NKAIN3: variants seen among roughly 807,000 people sequenced by gnomAD.
The protein encoded by NKAIN3 is sodium/potassium transporting ATPase interacting 3.
NKAIN3 carries 25 observed loss-of-function variants against 30.2 expected under a neutral mutation model. The ratio of observed to expected loss-of-function variants is 0.83; its 90% CI spans 0.60 to 1.16. The LOEUF is 1.16. Ranked by LOEUF, NKAIN3 falls within the 50% of genes most tolerant of loss-of-function variation. NKAIN3 has a pLI of 0.00. For synonymous variants in NKAIN3, 91 were observed against 89.6 expected (o/e 1.02, Z -0.09); for missense variants, 225 against 254.1 (o/e 0.89, Z 0.78).
chr8:62,553,464 T>A (rs892859388), intron 1 of NKAIN3, among the ~76,000 whole-genome samples: 4 of 152,128 alleles, frequency 2.6e-5, no homozygotes, highest in African/African-American at 9.7e-5. Context: ...AAACCTTGCA[T>A]CTTACAGTAC....
intron 4 of NKAIN3, among the ~76,000 whole-genome samples, chr8:62,889,640 G>C (rs929798686): frequency 6.6e-6 from 1 of 152,042 alleles, no homozygotes; most frequent in Admixed American, 6.6e-5. Context: ...TATTTTTTCT[G>C]GTTCTTGTAA....
chr8:62,575,161 G>A (rs1168106342), intron 1 of NKAIN3, among the ~76,000 whole-genome samples: 2 of 152,008 alleles, frequency 1.3e-5, no homozygotes, highest in African/African-American at 4.8e-5. Context: ...CATCAAATTG[G>A]GAAGGAAGAA....
chr8:62,717,092 G>C (rs1012722691), intron 3 of NKAIN3, among the ~76,000 whole-genome samples: 4 of 152,266 alleles, frequency 2.6e-5, no homozygotes, highest in Middle Eastern at 3.4e-3. Context: ...TTTCGATCAA[G>C]AAGTAGCATG....
chr8:62,279,512 A>C (rs561726015), intron 1 of NKAIN3, among the ~76,000 whole-genome samples: 1 of 152,322 alleles, frequency 6.6e-6, no homozygotes, highest in East Asian at 1.9e-4. Context: ...TTTGGGTCTA[A>C]CATTTAAGTC....
chr8:62,836,343 A>T (rs537654621), intron 4 of NKAIN3, among the ~76,000 whole-genome samples: 9 of 152,002 alleles, frequency 5.9e-5, no homozygotes, highest in South Asian at 2.1e-4. Context: ...AATTATTTTT[A>T]AAAAAATTTC....
chr8:62,938,548 T>G (rs1054639690), intron 5 of NKAIN3, among the ~76,000 whole-genome samples: 3 of 152,154 alleles, frequency 2.0e-5, no homozygotes, highest in African/African-American at 7.2e-5. Context: ...CATGGCTAAG[T>G]GACCTGAAGA....
chr8:62,500,412 A>G (rs1201355876), intron 1 of NKAIN3, among the ~76,000 whole-genome samples: 1 of 149,122 alleles, frequency 6.7e-6, no homozygotes, highest in Non-Finnish European at 1.5e-5. Context: ...GAAAGAAATA[A>G]GAAGGAAGAA....
At chr8:62,785,383 A>G (rs1342277288) in intron 4 of NKAIN3, among the ~76,000 whole-genome samples, 1 of 152,158 alleles carries the variant, frequency 6.6e-6, no homozygotes, top group East Asian at 1.9e-4. Flanking sequence ...ATCTATAGAG[A>G]CAGAAAGTAG....
chr8:62,623,958 A>G (rs1056774214), intron 3 of NKAIN3, among the ~76,000 whole-genome samples: 2 of 152,098 alleles, frequency 1.3e-5, no homozygotes, highest in African/African-American at 4.8e-5. Context: ...ATTATTCATG[A>G]GTTTTCCAGG....
chr8:62,930,388 G>A (rs1398496152), intron 5 of NKAIN3, among the ~76,000 whole-genome samples: 1 of 151,942 alleles, frequency 6.6e-6, no homozygotes, highest in Non-Finnish European at 1.5e-5. Context: ...TGAGTAGCTG[G>A]GATTACAGGC....
At chr8:62,935,016 T>A (rs78017494) in intron 5 of NKAIN3, among the ~76,000 whole-genome samples, 10,048 of 152,172 alleles carry the variant, frequency 0.066, 572 homozygotes, top group East Asian at 0.27. Flanking sequence ...GGAGTTTTCT[T>A]TTCTTTCCTA....
At chr8:62,846,238 G>T (rs1819685164) in intron 4 of NKAIN3, among the ~76,000 whole-genome samples, 1 of 152,128 alleles carries the variant, frequency 6.6e-6, no homozygotes, top group Non-Finnish European at 1.5e-5. Flanking sequence ...TTTGACAGAA[G>T]AATTTTCTTT....
At chr8:62,306,472 CCTGA>C (rs1814242443) in intron 1 of NKAIN3, among the ~76,000 whole-genome samples, 1 of 149,560 alleles carries the variant, frequency 6.7e-6, no homozygotes. Context: ...GCGAGCCCTA[CCTGA>C]CTGACTGTAT....
intron 4 of NKAIN3, among the ~76,000 whole-genome samples, chr8:62,826,022 T>C (rs1819010119): frequency 3.3e-5 from 5 of 152,178 alleles, no homozygotes; most frequent in Admixed American, 2.0e-4. Flanking sequence ...CACTCTAATA[T>C]AATACTTGCT....
At chr8:62,412,378 G>A (rs1195254886) in intron 1 of NKAIN3, among the ~76,000 whole-genome samples, 1 of 151,804 alleles carries the variant, frequency 6.6e-6, no homozygotes, top group Admixed American at 6.6e-5. Context: ...TAACCGGCTA[G>A]TTATATGCAG....
intron 1 of NKAIN3, among the ~76,000 whole-genome samples, chr8:62,448,131 C>G (rs1206292304): frequency 6.6e-6 from 1 of 151,868 alleles, no homozygotes; most frequent in East Asian, 1.9e-4. Flanking sequence ...AGTTCACTCT[C>G]TTTGCTCTGA....
In NKAIN3 at chr8:62,995,680, G is replaced by C. The variant is rs1804095695; in HGVS notation, c.533-3551G>C. Among the ~76,000 whole-genome samples, 4 of 144,626 alleles carry C rather than the reference G, an allele frequency of 2.8e-5. No individual in the cohort carries two copies. In the Admixed American group the frequency reaches 2.8e-4, roughly 10 times the overall value. 94.9% of individuals were successfully genotyped at this position (144,626 alleles called of 152,430 possible). A position where few individuals can be genotyped will look rare whatever the true frequency, so the allele number is the denominator to read the frequency against. On this transcript the variant is annotated intron_variant, in intron 5 of 5. Transcript: ENST00000519049. ...GAGAGGTAGGAAGGAAAAAAGGCTAGATGACATAAGAAACTTTAAGAAGAG... is the reference window on the plus strand; with the variant it reads ...GAGAGGTAGGAAGGAAAAAAGGCTACATGACATAAGAAACTTTAAGAAGAG...
intron 1 of NKAIN3, among the ~76,000 whole-genome samples, chr8:62,391,472 A>G (rs1237169900): frequency 6.6e-6 from 1 of 152,052 alleles, no homozygotes; most frequent in East Asian, 1.9e-4. Flanking sequence ...TACACTGGGA[A>G]ATAGAAAAAT....
At chr8:62,357,948 ATTTG>A (rs1262731943) in intron 1 of NKAIN3, among the ~76,000 whole-genome samples, 1 of 152,170 alleles carries the variant, frequency 6.6e-6, no homozygotes, top group African/African-American at 2.4e-5. Flanking sequence ...TCATCAGGCT[ATTTG>A]TTCTTTGGAG....
Sources: gnomAD v4.1 joint callset for allele counts (sites outside exome capture counted in the v4.1 genomes callset) on GRCh38, gnomAD v4.1.1 for gene constraint, MANE v1.5 for transcripts, NCBI Gene and HGNC (gene_info 2026-07-23, HGNC 2026-07-21) for gene names.